Variants in IGF2R observed in about 807,000 individuals in gnomAD.
IGF2R encodes cation-independent mannose-6-phosphate receptor.
IGF2R carries 91 observed loss-of-function variants against 270.6 expected under a neutral mutation model. That is an observed-to-expected ratio of 0.34 (90% CI 0.28 to 0.40). The LOEUF is 0.40. IGF2R is among the 10% of genes least tolerant of loss of function. IGF2R has a pLI of 1.00. For missense variants in IGF2R, 2,805 were observed against 3,188.3 expected, an observed-to-expected ratio of 0.88 and a Z score of 2.90; for synonymous variants, 1,316 against 1,258.9, an observed-to-expected ratio of 1.05 and a Z score of -0.96.
At chr6:160,062,332 C>A (rs1048936549) in intron 25 of IGF2R, among the ~76,000 whole-genome samples, 200 bp from the exon 26 acceptor site, 1 of 151,978 alleles carries the variant, frequency 6.6e-6, no homozygotes, top group East Asian at 1.9e-4. Context: ...TGCCACCACG[C>A]CCAGCTAACT....
At chr6:159,986,019 G>T (rs2115178392) in intron 1 of IGF2R, among the ~76,000 whole-genome samples, 1 of 152,188 alleles carries the variant, frequency 6.6e-6, no homozygotes, top group Middle Eastern at 3.4e-3. Context: ...ACTGAATTTT[G>T]TACAACTGGG....
chr6:159,978,033 T>C (rs1389636662), intron 1 of IGF2R, among the ~76,000 whole-genome samples: 1 of 152,186 alleles, frequency 6.6e-6, no homozygotes, highest in East Asian at 1.9e-4. Flanking sequence ...AAGTTACAGA[T>C]GCTGCCTTAC....
At chr6:160,003,662 C>CT (rs1784165279) in intron 2 of IGF2R, 2 of 152,152 alleles carry the variant, frequency 1.3e-5, no homozygotes, top group African/African-American at 4.8e-5. Context: ...ATTTGACTAT[C>CT]AGTCATATGT....
At chr6:160,079,477 C>G (rs569013763) in intron 37 of IGF2R, 103 bp from the exon 38 acceptor site, 1 of 796,136 alleles carries the variant, frequency 1.3e-6, no homozygotes, top group East Asian at 3.3e-5. Flanking sequence ...TTTGCTCTTC[C>G]TCATGAACCT....
chr6:159,997,950 T>G lies in IGF2R; in HGVS notation c.289+6627T>G, dbSNP rs150003951. Among the ~76,000 whole-genome samples the G allele has an allele frequency of 2.6e-5, 4 of 152,278 alleles. No homozygotes were observed. In the East Asian group the frequency reaches 5.8e-4, roughly 22 times the overall value. ...AGGCCCAGCTCCTGTTTGATTTCCC[T>G]CTCTCTCTACAAAGAGACCATCCAG... On this transcript the variant is annotated intron_variant, in intron 2 of 47. Coordinates refer to ENST00000356956, the MANE Select transcript of IGF2R (RefSeq NM_000876.4).
intron 10 of IGF2R, among the ~76,000 whole-genome samples, chr6:160,039,734 G>A (rs1209547503): frequency 2.0e-5 from 3 of 152,116 alleles, no homozygotes; most frequent in South Asian, 2.1e-4. Context: ...TTGTGCCCAC[G>A]GACCCCTAGC....
chr6:160,027,977 A>C (rs1452315639), intron 6 of IGF2R, among the ~76,000 whole-genome samples: 1 of 152,194 alleles, frequency 6.6e-6, no homozygotes, highest in African/African-American at 2.4e-5. Context: ...GAGCATGTGC[A>C]ATTATAATGG....
rs9457808 is a variant in IGF2R, at chr6:160,009,628, G to A, written c.414+494G>A. 1.1e-3 allele frequency among the ~76,000 whole-genome samples: 167 copies of A among 152,240 alleles called. 1 individual carries two copies. The highest frequency in any genetic ancestry group is 4.0e-3 in the African/African-American group (166 of 41,534). ...CCTGGTGTTTAAAGGGGACATAATT[G>A]TGTAAATTATTATGATTGTTCTTAT... On this transcript the variant is annotated intron_variant, in intron 3 of 47. Coordinates refer to ENST00000356956, the MANE Select transcript of IGF2R (RefSeq NM_000876.4).
At chr6:160,069,827 G>A (rs1562366313) in intron 30 of IGF2R, 41 bp from the exon 31 acceptor site, 7 of 1,589,704 alleles carry the variant, frequency 4.4e-6, no homozygotes, top group Non-Finnish European at 6.0e-6. Context: ...CTAGCCTGGG[G>A]AGTCACTAAA....
intron 33 of IGF2R, 116 bp from the exon 34 acceptor site, chr6:160,073,097 T>C: frequency 6.9e-7 from 1 of 1,447,340 alleles, no homozygotes; most frequent in Non-Finnish European, 9.4e-7. Context: ...GATTGGACAC[T>C]TGAAGTTATA....
At chr6:159,982,015 G>T (rs1783813454) in intron 1 of IGF2R, among the ~76,000 whole-genome samples, 2 of 152,230 alleles carry the variant, frequency 1.3e-5, no homozygotes, top group South Asian at 4.1e-4. Flanking sequence ...AGAATAGGAA[G>T]TGAAGTACTT....
intron 47 of IGF2R, 37 bp downstream of exon 47, chr6:160,103,852 C>G (rs762181151): frequency 2.9e-6 from 4 of 1,390,598 alleles, no homozygotes; most frequent in Non-Finnish European, 4.1e-6. Context: ...AGGCCTGCCT[C>G]CCCGGCCCCC....
rs186476646 is a variant in IGF2R at position 160,012,231 on chromosome 6, A to T, written c.513+1446A>T. Among the ~76,000 whole-genome samples, 27 of 152,282 alleles carry T rather than the reference A, an allele frequency of 1.8e-4. 1 individual carries two copies. The highest frequency in any genetic ancestry group is 6.5e-4 in the African/African-American group (27 of 41,572). On this transcript the variant is annotated intron_variant, in intron 4 of 47. Coordinates refer to ENST00000356956, the MANE Select transcript of IGF2R (RefSeq NM_000876.4). ...AAGCTTCATTTAAAAACTTAGGTGAAGCTGTTAGATGACATACTGTTAGCG... is the reference window on the plus strand; with the variant it reads ...AAGCTTCATTTAAAAACTTAGGTGATGCTGTTAGATGACATACTGTTAGCG...
chr6:160,010,606 C>T, intron 3 of IGF2R, 81 bp from the exon 4 acceptor site: 1 of 902,738 alleles, frequency 1.1e-6, no homozygotes, highest in Middle Eastern at 2.4e-4. Context: ...TTTTAGTAGC[C>T]TTTACTGCAT....
At chr6:160,055,047 G>A (rs950899318) in intron 19 of IGF2R, among the ~76,000 whole-genome samples, 3 of 147,228 alleles carry the variant, frequency 2.0e-5, no homozygotes, top group Non-Finnish European at 4.5e-5. Context: ...AATGAATGAC[G>A]GGCAGGCTGA....
In IGF2R at chr6:160,080,231, C is replaced by G; in HGVS notation, c.5789C>G (p.Thr1930Ser). ...ESRAKLWCST[T>S]ADYDRDHEWG... ...AGGGCGAAGCTGTGGTGTAGCACAA[C>G]TGCGGACTACGACAGAGACCACGAG... Residue 1930 changes from threonine to serine, a missense_variant, in exon 39 of 48, where the codon ACT (threonine) becomes AGT (serine). By Grantham distance (58) the Thr-to-Ser change is moderately conservative. Coordinates refer to ENST00000356956, the MANE Select transcript of IGF2R (RefSeq NM_000876.4). 6.2e-7 allele frequency: 1 copy of G among 1,614,206 alleles called. No individual in the cohort carries two copies. Among genetic ancestry groups the G allele is most frequent in the East Asian group, 2.2e-5 (1 of 44,884 alleles).
chr6:160,023,162 G>A (rs1364393062), intron 4 of IGF2R, among the ~76,000 whole-genome samples: 1 of 152,166 alleles, frequency 6.6e-6, no homozygotes, highest in Non-Finnish European at 1.5e-5. Context: ...TACTATTGCA[G>A]GCAAGAGATT....
intron 32 of IGF2R, 37 bp downstream of exon 32, chr6:160,072,073 T>A (rs775161632): frequency 6.2e-7 from 1 of 1,612,144 alleles, no homozygotes; most frequent in Non-Finnish European, 8.5e-7. Context: ...CCAGCGCAGG[T>A]GAGAGACGGT....
intron 44 of IGF2R, chr6:160,094,110 A>G: frequency 1.1e-5 from 5 of 468,034 alleles, no homozygotes; most frequent in South Asian, 9.3e-5. Context: ...CCAAAGTACT[A>G]CTGCTGTTGC....
Sources: gnomAD v4.1 joint callset for allele counts (sites outside exome capture counted in the v4.1 genomes callset) on GRCh38, gnomAD v4.1.1 for gene constraint, MANE v1.5 for transcripts, NCBI Gene and HGNC (gene_info 2026-07-23, HGNC 2026-07-21) for gene names.